DCBLD2: variants seen among roughly 807,000 people sequenced by gnomAD.
DCBLD2 encodes discoidin, CUB and LCCL domain-containing protein 2.
A neutral mutation model predicts 86.8 loss-of-function variants in DCBLD2; 54 were observed. The observed-to-expected ratio is 0.62, with a 90% CI of 0.50 to 0.78. The LOEUF is 0.78. Among genes scored for constraint, DCBLD2 ranks in the 30% least tolerant of loss-of-function variants. The probability of loss-of-function intolerance (pLI) is 0.00; values close to 1 mark genes in which losing one functional copy is unlikely to be tolerated. For synonymous variants in DCBLD2, 354 were observed against 341.3 expected (o/e 1.04, Z -0.41); for missense variants, 908 against 954.2 (o/e 0.95, Z 0.64).
chr3:98,868,184 AGC>A (rs1182150655), intron 2 of DCBLD2, among the ~76,000 whole-genome samples: 1 of 152,226 alleles, frequency 6.6e-6, no homozygotes, highest in East Asian at 1.9e-4. Context: ...TTACAAAGTA[AGC>A]AGTTTTAAAC....
chr3:98,815,908 A>T (rs550513007), intron 9 of DCBLD2: 1 of 151,960 alleles, frequency 6.6e-6, no homozygotes, highest in East Asian at 1.9e-4. Context: ...ATGGTAAGAT[A>T]CCTTCAAGGG....
intron 2 of DCBLD2, among the ~76,000 whole-genome samples, chr3:98,860,546 C>T (rs1192712366): frequency 2.0e-5 from 3 of 152,174 alleles, no homozygotes; most frequent in Non-Finnish European, 4.4e-5. Context: ...CTCTACAAGC[C>T]AGAAGACAGT....
chr3:98,834,533 A>G (rs1942392158), intron 3 of DCBLD2, among the ~76,000 whole-genome samples: 1 of 152,246 alleles, frequency 6.6e-6, no homozygotes. Context: ...GCTCCCAAAT[A>G]TGAGTGAGAA....
intron 2 of DCBLD2, among the ~76,000 whole-genome samples, chr3:98,879,364 C>T (rs1415371971): frequency 6.6e-6 from 1 of 152,032 alleles, no homozygotes; most frequent in Non-Finnish European, 1.5e-5. Flanking sequence ...ACTGAATGCC[C>T]AATGCTTCAA....
At chr3:98,884,000 C>T (rs1031087699) in intron 1 of DCBLD2, among the ~76,000 whole-genome samples, 1 of 152,032 alleles carries the variant, frequency 6.6e-6, no homozygotes, top group East Asian at 1.9e-4. Flanking sequence ...GGAAACTGTA[C>T]ATTAATCTAT....
At chr3:98,843,987 A>G (rs934590240) in intron 3 of DCBLD2, among the ~76,000 whole-genome samples, 66 of 151,586 alleles carry the variant, frequency 4.4e-4, no homozygotes, top group African/African-American at 1.5e-3. Flanking sequence ...TGACAATTTC[A>G]TGTTCTCCAA....
At chr3:98,876,208 A>C (rs1172309807) in intron 2 of DCBLD2, among the ~76,000 whole-genome samples, 1 of 151,782 alleles carries the variant, frequency 6.6e-6, no homozygotes, top group South Asian at 2.1e-4. Context: ...AAGTCCTAAA[A>C]CCTGAGAGAA....
intron 13 of DCBLD2, among the ~76,000 whole-genome samples, chr3:98,804,321 A>G (rs1041970746): frequency 6.6e-6 from 1 of 152,134 alleles, no homozygotes; most frequent in South Asian, 2.1e-4. Flanking sequence ...TAGATTTTCT[A>G]GTTTATTTGC....
intron 2 of DCBLD2, among the ~76,000 whole-genome samples, chr3:98,881,266 CAA>C (rs35861171): frequency 8.0e-5 from 11 of 136,820 alleles, no homozygotes; most frequent in East Asian, 2.1e-4. Context: ...AAAAAAAAAA[CAA>C]AAAAAAAAAA....
intron 3 of DCBLD2, among the ~76,000 whole-genome samples, chr3:98,831,244 G>A (rs1393347680): frequency 6.6e-6 from 1 of 151,060 alleles, no homozygotes; most frequent in East Asian, 1.9e-4. Flanking sequence ...TAGAGACGAG[G>A]TTTCATCATG....
chr3:98,867,223 G>T (rs1686820408), intron 2 of DCBLD2, among the ~76,000 whole-genome samples: 2 of 152,218 alleles, frequency 1.3e-5, no homozygotes, highest in Admixed American at 1.3e-4. Flanking sequence ...CTTTAAAGTA[G>T]TTTTTTCCAA....
At chr3:98,838,472 C>T (rs1329438796) in intron 3 of DCBLD2, among the ~76,000 whole-genome samples, 5 of 144,288 alleles carry the variant, frequency 3.5e-5, no homozygotes, top group African/African-American at 5.1e-5. Context: ...AGACGCTCCT[C>T]ACTTCCTAGA....
In DCBLD2 at chr3:98,881,636, T is replaced by G. The variant is rs896264377; in HGVS notation, c.337A>C (p.Ile113Leu). ...IRVKMGERVR[I>L]KFGDFDIEDS... ...TCAATGTCAAAGTCACCAAATTTGA[T>G]GCGAACTCTCTCTCCCATCTTTACA... is the stretch of plus-strand genomic sequence containing the variant. The change falls in exon 2 of 16, where the codon ATC (isoleucine) becomes CTC (leucine). Residue 113 changes from isoleucine (I) to leucine (L), a missense_variant. Transcript: ENST00000326840. 4 of 1,613,854 alleles carry G rather than the reference T, an allele frequency of 2.5e-6. No homozygotes were observed. In the African/African-American group the frequency reaches 4.0e-5, roughly 16 times the overall value.
rs532118815 is a variant in DCBLD2, at chr3:98,901,314, C to G, written c.13G>C (p.Ala5Pro). 1 of 1,419,644 alleles carries G rather than the reference C, an allele frequency of 7.0e-7. No individual in the cohort carries two copies. The highest frequency in any genetic ancestry group is 2.8e-5 in the East Asian group (1 of 35,984). 87.9% of individuals were successfully genotyped at this position (1,419,644 alleles called of 1,614,324 possible). MASR[A>P]VVRARRCPQC... ...GGGCAGCGCCTGGCTCTCACCACCG[C>G]CCGGCTCGCCATCGCGGCGGCCGGC... The change falls in exon 1 of 16, where the codon GCG becomes CCG. Residue 5 changes from alanine to proline, a missense_variant. By Grantham distance (27) the Ala-to-Pro change is conservative. Transcript: ENST00000326840.
chr3:98,873,738 C>G (rs1453486322), intron 2 of DCBLD2, among the ~76,000 whole-genome samples: 1 of 151,688 alleles, frequency 6.6e-6, no homozygotes, highest in South Asian at 2.1e-4. Flanking sequence ...AATTTTAAAT[C>G]ATGAAAATAG....
At chr3:98,897,313 C>T (rs1312525568) in intron 1 of DCBLD2, among the ~76,000 whole-genome samples, 1 of 152,134 alleles carries the variant, frequency 6.6e-6, no homozygotes, top group Admixed American at 6.5e-5. Flanking sequence ...TCAATCTGAT[C>T]ATTCACACGT....
intron 14 of DCBLD2, chr3:98,801,372 AAGAAC>A (rs1941714999): frequency 8.8e-6 from 4 of 453,494 alleles, no homozygotes; most frequent in Non-Finnish European, 1.6e-5. Context: ...CCAGAAGAAA[AAGAAC>A]AGAGCTTGTT....
chr3:98,800,359 A>T (rs1179732721), intron 15 of DCBLD2, among the ~76,000 whole-genome samples: 1 of 151,660 alleles, frequency 6.6e-6, no homozygotes, highest in African/African-American at 2.4e-5. Flanking sequence ...TAATGCCCAG[A>T]GTCTTTAGAA....
rs535330967 is a variant in DCBLD2 at position 98,819,424 on chromosome 3, CAAAGA to C, written c.872-12_872-8del. The C allele has an allele frequency of 1.7e-4, 272 of 1,613,516 alleles. No individual in the cohort carries two copies. In the African/African-American group the frequency reaches 2.8e-3, roughly 17 times the overall value. ...CCCAGTGTTCCATAACATCCTGAAA[CAAAGA>C]AAAGACTAAATTTGGTTTCCAGGTA... On this transcript the variant is annotated splice_polypyrimidine_tract_variant and splice_region_variant and intron_variant, in intron 7 of 15. Coordinates refer to ENST00000326840, the MANE Select transcript of DCBLD2 (RefSeq NM_080927.4).
Sources: gnomAD v4.1 joint callset for allele counts (sites outside exome capture counted in the v4.1 genomes callset) on GRCh38, gnomAD v4.1.1 for gene constraint, MANE v1.5 for transcripts, NCBI Gene and HGNC (gene_info 2026-07-23, HGNC 2026-07-21) for gene names.